Variants in PTPRN2 observed in about 807,000 individuals in gnomAD.
The protein encoded by PTPRN2 is receptor-type tyrosine-protein phosphatase N2.
Under a neutral mutation model 118.8 loss-of-function variants are expected in PTPRN2, and 74 were observed. That is an observed-to-expected ratio of 0.62 (90% CI 0.52 to 0.76). The LOEUF (loss-of-function observed/expected upper bound fraction) is 0.76. Among genes scored for constraint, PTPRN2 ranks in the 30% least tolerant of loss-of-function variants. PTPRN2 has a pLI of 0.00. For missense variants in PTPRN2, 1,481 were observed against 1,394.4 expected (o/e 1.06, Z -0.99); for synonymous variants, 641 against 608.0 (o/e 1.05, Z -0.80).
At chr7:158,212,372 C>T (rs1827661727) in intron 3 of PTPRN2, among the ~76,000 whole-genome samples, 3 of 152,098 alleles carry the variant, frequency 2.0e-5, no homozygotes, top group African/African-American at 7.2e-5. Flanking sequence ...TTACAAATAA[C>T]TAAGAGTATA....
intron 2 of PTPRN2, among the ~76,000 whole-genome samples, chr7:158,334,753 C>T (rs199733990): frequency 1.4e-4 from 2 of 13,972 alleles, no homozygotes; most frequent in Admixed American, 1.5e-3. Context: ...AGGTGACGCC[C>T]GCAGACATCA....
chr7:158,546,888 T>C lies in PTPRN2; in HGVS notation c.112+40670A>G, dbSNP rs182575396. 7.5e-3 allele frequency among the ~76,000 whole-genome samples: 1,147 copies of C among 152,278 alleles called. 10 individuals are homozygous for C. The highest frequency in any genetic ancestry group is 0.026 in the African/African-American group (1,082 of 41,544). ...GCTGGGGCTGCCTTCATCTCACGCA[T>C]GCTGGGCAGCCTGGGCACCTGGGGC... On this transcript the variant is annotated intron_variant, in intron 1 of 22. Coordinates refer to ENST00000389418, the MANE Select transcript of PTPRN2 (RefSeq NM_002847.5). This position sits in a 1 kb window ranked among gnomAD's most constrained non-coding sequence, Gnocchi z 5.0.
chr7:157,602,989 C>T (rs910385411), intron 16 of PTPRN2, among the ~76,000 whole-genome samples: 2 of 152,226 alleles, frequency 1.3e-5, no homozygotes, highest in African/African-American at 4.8e-5. Context: ...CCTCATCCTT[C>T]CCTGAAGACC....
At chr7:157,985,220 C>G (rs1210014327) in intron 11 of PTPRN2, among the ~76,000 whole-genome samples, 7 of 152,360 alleles carry the variant, frequency 4.6e-5, no homozygotes, top group Middle Eastern at 3.4e-3. Flanking sequence ...CTGGAGGAAA[C>G]TAAATAATCA....
chr7:158,475,951 A>T (rs1820223051), intron 2 of PTPRN2, among the ~76,000 whole-genome samples: 1 of 152,232 alleles, frequency 6.6e-6, no homozygotes. Context: ...CCAGGGCTGC[A>T]CATCTGGGCT....
intron 11 of PTPRN2, among the ~76,000 whole-genome samples, chr7:157,900,116 A>T (rs1009258358): frequency 1.5e-4 from 23 of 152,214 alleles, no homozygotes; most frequent in Non-Finnish European, 4.4e-5. Context: ...CAGGGTCAGG[A>T]ATGAAAACGG....
intron 1 of PTPRN2, among the ~76,000 whole-genome samples, chr7:158,583,183 A>G (rs1828723340): frequency 6.6e-6 from 1 of 152,196 alleles, no homozygotes; most frequent in South Asian, 2.1e-4. Flanking sequence ...ACTAGGACAA[A>G]ACAAACCCAG....
chr7:158,241,241 C>T (rs1396104264), intron 3 of PTPRN2, among the ~76,000 whole-genome samples: 2 of 152,164 alleles, frequency 1.3e-5, no homozygotes, highest in Non-Finnish European at 2.9e-5. Context: ...TTCGGCCGGG[C>T]GTGGTGGCTT....
chr7:158,237,780 C>A (rs1795621172), intron 3 of PTPRN2, among the ~76,000 whole-genome samples: 2 of 152,196 alleles, frequency 1.3e-5, no homozygotes, highest in Admixed American at 6.5e-5. Flanking sequence ...CGCCGCCACC[C>A]ATGCTGCCAT....
At chr7:158,500,994 G>C (rs1355524087) in intron 1 of PTPRN2, among the ~76,000 whole-genome samples, 3 of 152,284 alleles carry the variant, frequency 2.0e-5, no homozygotes, top group Non-Finnish European at 4.4e-5. Flanking sequence ...TCCGCTGGGA[G>C]CTGGGCTCTG....
At chr7:158,171,348 TACAC>T (rs1252929315) in intron 5 of PTPRN2, among the ~76,000 whole-genome samples, 14 of 89,898 alleles carry the variant, frequency 1.6e-4, no homozygotes, top group African/African-American at 4.1e-4. Context: ...TATATATATA[TACAC>T]ACACACATTT....
chr7:158,204,305 G>C (rs1202162039), intron 4 of PTPRN2, among the ~76,000 whole-genome samples: 2 of 152,230 alleles, frequency 1.3e-5, no homozygotes, highest in Non-Finnish European at 2.9e-5. Flanking sequence ...GGCAACCCGC[G>C]CCCTCAGTGT....
rs1018459285 is a variant in PTPRN2, at chr7:157,794,734, ATG to A, written c.1788+103937_1788+103938del. On this transcript the variant is annotated intron_variant, in intron 12 of 22. Coordinates refer to ENST00000389418, the MANE Select transcript of PTPRN2 (RefSeq NM_002847.5). This position sits in a 1 kb window ranked among gnomAD's most constrained non-coding sequence, Gnocchi z 5.2. ...GACACCCAGCCTGAAACCACGATAA[ATG>A]TGTGGAGTTGTGGAGACAGCTCACC... Among the ~76,000 whole-genome samples the A allele has an allele frequency of 2.2e-4, 33 of 152,202 alleles. No individual in the cohort carries two copies. Among genetic ancestry groups the A allele is most frequent in the African/African-American group, 7.7e-4 (32 of 41,452 alleles).
chr7:157,578,846 T>G (rs1328553326), intron 17 of PTPRN2, among the ~76,000 whole-genome samples: 5 of 152,266 alleles, frequency 3.3e-5, no homozygotes, highest in Admixed American at 1.3e-4. Context: ...ACAGCCTAAC[T>G]ACCCAAAACC....
intron 12 of PTPRN2, among the ~76,000 whole-genome samples, chr7:157,837,896 C>T (rs1808083691): frequency 6.6e-6 from 1 of 152,282 alleles, no homozygotes; most frequent in Admixed American, 6.5e-5. Flanking sequence ...GAGTCCGACA[C>T]TTGCTGAGTG....
chr7:158,480,741 G>A (rs972746703), intron 2 of PTPRN2, among the ~76,000 whole-genome samples: 1 of 152,232 alleles, frequency 6.6e-6, no homozygotes, highest in Non-Finnish European at 1.5e-5. Context: ...GATAGACCAA[G>A]CCAGCCACAA....
chr7:157,630,338 A>T (rs1803861961), intron 14 of PTPRN2, among the ~76,000 whole-genome samples: 1 of 152,244 alleles, frequency 6.6e-6, no homozygotes, highest in Non-Finnish European at 1.5e-5. Flanking sequence ...TTAAAGGATC[A>T]GAAGATAGTT....
rs1415734736 is a variant in PTPRN2 at position 158,525,302 on chromosome 7, C to T, written c.113-35517G>A. 6.6e-6 allele frequency among the ~76,000 whole-genome samples: 1 copy of T among 152,176 alleles called. No homozygotes were observed. The highest frequency in any genetic ancestry group is 2.4e-5 in the African/African-American group (1 of 41,436). On this transcript the variant is annotated intron_variant, in intron 1 of 22. Coordinates refer to ENST00000389418, the MANE Select transcript of PTPRN2 (RefSeq NM_002847.5). This position sits in a 1 kb window ranked among gnomAD's most constrained non-coding sequence, Gnocchi z 4.1. ...ATCTGCCAAGGAGAACACACGGCCC[C>T]CTAATGTGCAACAAAACCGTGAGAC... is the stretch of plus-strand genomic sequence containing the variant.
intron 11 of PTPRN2, among the ~76,000 whole-genome samples, chr7:158,042,721 A>C (rs1421887117): frequency 1.3e-5 from 2 of 152,210 alleles, no homozygotes; most frequent in African/African-American, 4.8e-5. Context: ...ACCATAGTGA[A>C]GAATCCGATG....
Sources: allele counts gnomAD v4.1 joint callset (sites outside exome capture counted in the v4.1 genomes callset), GRCh38; gene constraint gnomAD v4.1.1; non-coding constraint Gnocchi (gnomAD v3.1); transcripts MANE v1.5; gene names NCBI Gene and HGNC (gene_info 2026-07-23, HGNC 2026-07-21).